SEMA4D: variants seen among roughly 807,000 people sequenced by gnomAD.
The protein encoded by SEMA4D is semaphorin 4D, also known as semaphorin-4D.
A neutral mutation model predicts 74.8 loss-of-function variants in SEMA4D; 22 were observed. The ratio of observed to expected loss-of-function variants is 0.29; its 90% CI spans 0.21 to 0.42. The LOEUF (loss-of-function observed/expected upper bound fraction) is 0.42, where lower values mean the gene tolerates loss of function less well. Among genes scored for constraint, SEMA4D ranks in the 10% least tolerant of loss-of-function variants. The probability of loss-of-function intolerance (pLI) is 1.00; values close to 1 mark genes in which losing one functional copy is unlikely to be tolerated. For missense variants in SEMA4D, 937 were observed against 1,118.4 expected (o/e 0.84, Z 2.31); for synonymous variants, 445 against 463.7 (o/e 0.96, Z 0.52).
At chr9:89,477,202 T>A (rs925509947) in intron 1 of SEMA4D, among the ~76,000 whole-genome samples, 1 of 152,088 alleles carries the variant, frequency 6.6e-6, no homozygotes, top group Admixed American at 6.5e-5. Flanking sequence ...TGAGCACACA[T>A]GTGCAGGCAG....
chr9:89,434,700 C>G (rs530998555), intron 2 of SEMA4D, among the ~76,000 whole-genome samples: 9 of 152,212 alleles, frequency 5.9e-5, no homozygotes, highest in Admixed American at 4.6e-4. Flanking sequence ...AATCTCTTTA[C>G]CATGTAAGGA....
chr9:89,452,163 T>C (rs548832044), intron 2 of SEMA4D, among the ~76,000 whole-genome samples: 1 of 148,022 alleles, frequency 6.8e-6, no homozygotes, highest in South Asian at 2.1e-4. Context: ...ACCCTCTATG[T>C]CCTGTCTTGG....
intron 2 of SEMA4D, among the ~76,000 whole-genome samples, chr9:89,454,608 C>T (rs987259537): frequency 4.6e-5 from 7 of 152,236 alleles, no homozygotes; most frequent in East Asian, 1.9e-4. Flanking sequence ...GGCTGCTGGC[C>T]GAAGACGGTC....
At chr9:89,410,014 G>A (rs933251562) in intron 2 of SEMA4D, among the ~76,000 whole-genome samples, 1 of 144,424 alleles carries the variant, frequency 6.9e-6, no homozygotes, top group East Asian at 2.2e-4. Context: ...ATTAATAGGT[G>A]AGCAGTAACC....
intron 13 of SEMA4D, chr9:89,385,826 C>T (rs1838317217): frequency 1.2e-6 from 1 of 856,392 alleles, no homozygotes; most frequent in Non-Finnish European, 1.4e-6. Context: ...CCGTTAGGAG[C>T]CAGGGCCAGG....
rs201900591 is a variant in SEMA4D at position 89,405,418 on chromosome 9, G to T, written c.39C>A (p.Ala13=). 11 of 1,613,962 alleles carry T rather than the reference G, an allele frequency of 6.8e-6. No individual in the cohort carries two copies. The highest frequency in any genetic ancestry group is 9.3e-6 in the Non-Finnish European group (11 of 1,180,020). The change falls in exon 3 of 16, where the codon GCC becomes GCA. Residue 13 remains alanine (A), a synonymous_variant. Transcript: ENST00000422704. ...MCTPIRGLLM[A]LAVMFGTAMA... ...TCGCTGTCCCAAACATCACTGCAAG[G>T]GCCATGAGCAGCCCCCTAATGGGGG...
At chr9:89,480,631 T>C (rs1015099417) in intron 1 of SEMA4D, among the ~76,000 whole-genome samples, 3 of 152,192 alleles carry the variant, frequency 2.0e-5, no homozygotes, top group Non-Finnish European at 4.4e-5. Context: ...GCTGGGGGAC[T>C]CAGTACACCC....
chr9:89,371,977 T>G (rs1394447015), intron 16 of SEMA4D, among the ~76,000 whole-genome samples: 2 of 112,144 alleles, frequency 1.8e-5, no homozygotes, highest in Admixed American at 9.3e-5. Flanking sequence ...GGGTGTGGTG[T>G]GTGTCTGGGG....
At chr9:89,422,769 A>G (rs1847250970) in intron 2 of SEMA4D, among the ~76,000 whole-genome samples, 1 of 152,194 alleles carries the variant, frequency 6.6e-6, no homozygotes. Context: ...GATGTTACAG[A>G]GGTCTAGGCA....
rs537298613 is a variant in SEMA4D, at chr9:89,429,062, C to T, written c.-243-23363G>A. ...TGGGTCACAGGCCCACTAAGCGGTT[C>T]GTCCAAGAGTGCGAAGAGTCAAGCA... On this transcript the variant is annotated intron_variant, in intron 2 of 15. Coordinates refer to ENST00000422704, the MANE Select transcript of SEMA4D (RefSeq NM_001371194.2). 9.2e-5 allele frequency among the ~76,000 whole-genome samples: 14 copies of T among 152,330 alleles called. No homozygotes were observed. The East Asian group carries it at 2.5e-3, about 27-fold the overall frequency.
In SEMA4D at chr9:89,396,843, G is replaced by A. The variant is rs1841073596; in HGVS notation, c.316-8C>T. The A allele has an allele frequency of 6.2e-7, 1 of 1,610,952 alleles. No individual in the cohort carries two copies. ...GTAGTTGAGGCACTCTGTCTGCAGG[G>A]AAGAGAAATGCACCATTAGCAACCG... On this transcript the variant is annotated splice_polypyrimidine_tract_variant and splice_region_variant and intron_variant, in intron 5 of 15. Transcript: ENST00000422704.
chr9:89,393,368 C>T (rs113038377), intron 7 of SEMA4D, among the ~76,000 whole-genome samples, 194 bp downstream of exon 7: 45 of 152,200 alleles, frequency 3.0e-4, no homozygotes, highest in South Asian at 6.2e-4. Context: ...TTTACCATGG[C>T]GGCTATTATC....
chr9:89,417,674 C>T (rs759846437), intron 2 of SEMA4D, among the ~76,000 whole-genome samples: 4 of 152,236 alleles, frequency 2.6e-5, no homozygotes, highest in Non-Finnish European at 5.9e-5. Context: ...TCTTATTACA[C>T]CACACCTTAC....
intron 2 of SEMA4D, among the ~76,000 whole-genome samples, chr9:89,410,022 A>C (rs1352623742): frequency 4.3e-5 from 6 of 138,978 alleles, no homozygotes; most frequent in Non-Finnish European, 6.2e-5. Context: ...GTGAGCAGTA[A>C]CCAACGGTGT....
At chr9:89,400,032 A>C (rs1378533139) in intron 4 of SEMA4D, among the ~76,000 whole-genome samples, 1 of 142,308 alleles carries the variant, frequency 7.0e-6, no homozygotes, top group East Asian at 2.2e-4. Flanking sequence ...AAAAAAAAAA[A>C]GTGACTCTAC....
chr9:89,411,948 C>T (rs1301521544), intron 2 of SEMA4D, among the ~76,000 whole-genome samples: 2 of 152,222 alleles, frequency 1.3e-5, no homozygotes. Flanking sequence ...CCCCTCCCTC[C>T]GATGCACCCC....
Position 89,379,702 on chromosome 9 carries a change from C to T in SEMA4D, c.1664-73G>A. 3.4e-6 allele frequency: 5 copies of T among 1,484,270 alleles called. No individual in the cohort carries two copies. In the South Asian group the frequency reaches 5.3e-5, roughly 16 times the overall value. 91.9% of individuals were successfully genotyped at this position (1,484,270 alleles called of 1,614,324 possible). A position where few individuals can be genotyped will look rare whatever the true frequency, so the allele number is the denominator to read the frequency against. On this transcript the variant is annotated intron_variant, in intron 15 of 15. Transcript: ENST00000422704. ...TATTTAACAACTTCTTTAAAATACC[C>T]ACAAGATGACGCAAGAGTTTCACCC...
intron 2 of SEMA4D, among the ~76,000 whole-genome samples, chr9:89,427,495 C>T (rs930312533): frequency 2.0e-5 from 3 of 152,212 alleles, no homozygotes; most frequent in African/African-American, 7.2e-5. Context: ...GAATTCCCCA[C>T]TGAAGGAGTC....
Position 89,378,858 on chromosome 9 carries a change from T to C in SEMA4D, c.2435A>G (p.Asp812Gly). ...QNGEHPKPAL[D>G]TGYETEQDTI... is the part of the protein sequence containing the mutation. ...GTCTTGCTCGGTCTCATAGCCGGTG[T>C]CCAGGGCTGGCTTGGGGTGCTCCCC... Residue 812 changes from aspartate (D) to glycine (G), a missense_variant, in exon 16 of 16, where the codon GAC becomes GGC. Transcript: ENST00000422704. 1.2e-6 allele frequency: 2 copies of C among 1,614,202 alleles called. No homozygotes were observed. The highest frequency in any genetic ancestry group is 1.3e-5 in the African/African-American group (1 of 75,068).
Sources: allele counts gnomAD v4.1 joint callset (sites outside exome capture counted in the v4.1 genomes callset), GRCh38; gene constraint gnomAD v4.1.1; transcripts MANE v1.5; gene names NCBI Gene and HGNC (gene_info 2026-07-23, HGNC 2026-07-21).